Variants in DHRSX observed in about 807,000 individuals in gnomAD.
DHRSX encodes the protein dehydrogenase/reductase X-linked, also known as polyprenol dehydrogenase.
Under a neutral mutation model 34.0 loss-of-function variants are expected in DHRSX, and 31 were observed. That is an observed-to-expected ratio of 0.91 (90% CI 0.69 to 1.23). The LOEUF (loss-of-function observed/expected upper bound fraction) is 1.23. Ranked by LOEUF, DHRSX falls within the 50% of genes most tolerant of loss-of-function variation. DHRSX has a pLI of 0.00. For synonymous variants in DHRSX, 201 were observed against 183.8 expected (o/e 1.09, Z -0.76); for missense variants, 414 against 428.1 (o/e 0.97, Z 0.29).
At chrX:2,252,621 T>C (rs2016458820) in intron 5 of DHRSX, among the ~76,000 whole-genome samples, 1 of 152,130 alleles carries the variant, frequency 6.6e-6, no homozygotes, top group African/African-American at 2.4e-5. Context: ...GTTGGTTCTG[T>C]AATTATGGTT....
intron 1 of DHRSX, among the ~76,000 whole-genome samples, chrX:2,467,296 C>G (rs1215297215): frequency 6.6e-6 from 1 of 152,088 alleles, no homozygotes; most frequent in Non-Finnish European, 1.5e-5. Flanking sequence ...AGACATCTGG[C>G]TCCGTCACTG....
intron 3 of DHRSX, among the ~76,000 whole-genome samples, chrX:2,342,947 G>A (rs192516439): frequency 6.6e-6 from 1 of 152,234 alleles, no homozygotes; most frequent in Admixed American, 6.5e-5. Context: ...GGGTGACAGA[G>A]CGGGAGCATG....
intron 1 of DHRSX, among the ~76,000 whole-genome samples, chrX:2,473,516 A>G (rs1384546837): frequency 1.3e-5 from 2 of 151,180 alleles, no homozygotes; most frequent in East Asian, 3.9e-4. Context: ...CCAGCTACTC[A>G]GGAGACTGAG....
chrX:2,352,663 T>C (rs1372493877), intron 3 of DHRSX, among the ~76,000 whole-genome samples: 1 of 152,102 alleles, frequency 6.6e-6, no homozygotes, highest in Non-Finnish European at 1.5e-5. Flanking sequence ...TGGAAACTCT[T>C]TGGGGTGAGA....
intron 3 of DHRSX, among the ~76,000 whole-genome samples, chrX:2,396,028 G>A (rs1443942947): frequency 1.3e-5 from 2 of 151,986 alleles, no homozygotes; most frequent in South Asian, 2.1e-4. Flanking sequence ...TGCTCCCTCC[G>A]GGGGCTCTCA....
chrX:2,425,292 C>T lies in DHRSX; in HGVS notation c.122G>A (p.Arg41Gln), dbSNP rs745995011. The T allele has an allele frequency of 1.5e-5, 25 of 1,613,190 alleles. No homozygotes were observed. The highest frequency in any genetic ancestry group is 2.7e-5 in the African/African-American group (2 of 74,846). The change falls in exon 2 of 7, where the codon CGA becomes CAA. Residue 41 changes from arginine (R) to glutamine (Q), a missense_variant. Physicochemically the swap from Arg to Gln is conservative, Grantham distance 43 (BLOSUM62 1). Transcript: ENST00000334651. ...GGFLEPVFPP[R>Q]PDRVAIVTGG... ...CGTCACTATAGCGACACGGTCAGGT[C>T]GTGGGGGGAAAACTGAAAAAGAAGA...
At chrX:2,306,926 C>CTTTTTTTT (rs779898766) in intron 3 of DHRSX, among the ~76,000 whole-genome samples, 1 of 132,172 alleles carries the variant, frequency 7.6e-6, no homozygotes, top group Non-Finnish European at 1.6e-5. Context: ...GGTCTTGGGG[C>CTTTTTTTT]TTTTTTTTTT....
intron 5 of DHRSX, among the ~76,000 whole-genome samples, chrX:2,246,969 G>A (rs1433000119): frequency 6.6e-6 from 1 of 152,130 alleles, no homozygotes; most frequent in Non-Finnish European, 1.5e-5. Flanking sequence ...TGTTGTTTGA[G>A]AAGGAGTCTT....
intron 3 of DHRSX, among the ~76,000 whole-genome samples, chrX:2,350,259 G>C (rs2042773677): frequency 2.0e-5 from 3 of 151,864 alleles, no homozygotes. Flanking sequence ...GCTGAGGCAG[G>C]AGAATCATTT....
chrX:2,275,875 C>G (rs2041624868), intron 4 of DHRSX, among the ~76,000 whole-genome samples: 1 of 151,558 alleles, frequency 6.6e-6, no homozygotes, highest in South Asian at 2.1e-4. Context: ...GATGGAGTCT[C>G]ACTCTGTCGC....
intron 1 of DHRSX, among the ~76,000 whole-genome samples, chrX:2,445,070 T>C (rs987850622): frequency 1.3e-4 from 20 of 151,952 alleles, no homozygotes; most frequent in African/African-American, 4.4e-4. Context: ...GGCGGGGGAA[T>C]TGCTTGAACC....
intron 1 of DHRSX, among the ~76,000 whole-genome samples, chrX:2,470,665 A>T (rs1163343471): frequency 1.3e-5 from 2 of 152,186 alleles, no homozygotes; most frequent in Non-Finnish European, 2.9e-5. Flanking sequence ...TATGAACATG[A>T]TGCTGTACTC....
Position 2,457,983 on chromosome X carries a change from C to T in DHRSX, c.110-32679G>A, listed in dbSNP as rs368309968. The stretch of plus-strand genomic sequence containing the variant: ...CCTAAGCTTGTGGCTAAGGGACCAC[C>T]GCAGTGTGCACACTGAAGACGTTCC... On this transcript the variant is annotated intron_variant, in intron 1 of 6. Coordinates refer to ENST00000334651, the MANE Select transcript of DHRSX (RefSeq NM_145177.3). 1.8e-3 allele frequency among the ~76,000 whole-genome samples: 278 copies of T among 151,656 alleles called. 1 individual carries two copies. The highest frequency in any genetic ancestry group is 6.4e-3 in the African/African-American group (263 of 41,342).
chrX:2,364,239 C>A (rs1179466482), intron 3 of DHRSX, among the ~76,000 whole-genome samples: 1 of 152,164 alleles, frequency 6.6e-6, no homozygotes, highest in Non-Finnish European at 1.5e-5. Flanking sequence ...TTGTTTCCCC[C>A]TCCCCCAGGA....
At chrX:2,412,084 A>G (rs6642078) in intron 2 of DHRSX, among the ~76,000 whole-genome samples, 46,249 of 152,084 alleles carry the variant, frequency 0.3, 8,169 homozygotes, top group East Asian at 0.58. Flanking sequence ...ATTTGGCCTC[A>G]TATGCATTTG....
intron 3 of DHRSX, among the ~76,000 whole-genome samples, chrX:2,386,979 T>G: frequency 6.6e-6 from 1 of 152,286 alleles, no homozygotes; most frequent in African/African-American, 2.4e-5. Context: ...TTTACTTTAT[T>G]TCTTAGAGGC....
chrX:2,435,661 A>AGGCTGAGATGGGAG (rs1448076678), intron 1 of DHRSX, among the ~76,000 whole-genome samples: 1 of 152,116 alleles, frequency 6.6e-6, no homozygotes, highest in East Asian at 1.9e-4. Flanking sequence ...GGTACGTGGG[A>AGGCTGAGATGGGAG]GGCTGAGATG....
chrX:2,305,844 G>A (rs374365148), intron 3 of DHRSX, among the ~76,000 whole-genome samples: 1 of 151,104 alleles, frequency 6.6e-6, no homozygotes, highest in South Asian at 2.1e-4. Flanking sequence ...CTGTTGGGGG[G>A]TGGGGGGCAA....
intron 1 of DHRSX, among the ~76,000 whole-genome samples, chrX:2,455,481 T>C (rs1004577496): frequency 1.3e-5 from 2 of 151,866 alleles, no homozygotes; most frequent in Non-Finnish European, 2.9e-5. Context: ...GGAGCAGTGA[T>C]TCCTAATCCC....
Sources: allele counts gnomAD v4.1 joint callset (sites outside exome capture counted in the v4.1 genomes callset), GRCh38; gene constraint gnomAD v4.1.1; transcripts MANE v1.5; gene names NCBI Gene and HGNC (gene_info 2026-07-23, HGNC 2026-07-21).